KIF26B: variants seen among roughly 807,000 people sequenced by gnomAD.
KIF26B encodes the protein kinesin family member 26B.
Under a neutral mutation model 151.2 loss-of-function variants are expected in KIF26B, and 63 were observed. The observed-to-expected ratio is 0.42, with a 90% CI of 0.34 to 0.51. KIF26B has a LOEUF of 0.51. Among genes scored for constraint, KIF26B ranks in the 20% least tolerant of loss-of-function variants. The probability of loss-of-function intolerance (pLI) is 0.07; values close to 1 mark genes in which losing one functional copy is unlikely to be tolerated. For synonymous variants in KIF26B, 1,357 were observed against 1,262.1 expected, an observed-to-expected ratio of 1.08 and a Z score of -1.59; for missense variants, 2,813 against 2,913.6, an observed-to-expected ratio of 0.97 and a Z score of 0.79.
Position 245,380,809 on chromosome 1 carries a change from G to A in KIF26B, c.999+13442G>A, listed in dbSNP as rs554897440. Among the ~76,000 whole-genome samples the A allele has an allele frequency of 1.2e-3, 180 of 152,154 alleles. 1 individual carries two copies. The highest frequency in any genetic ancestry group is 4.1e-3 in the African/African-American group (172 of 41,502). ...ACGTGATTTCTTTGGGGGCAATTTG[G>A]GGTGCCTAGGATTTCCAAGCCAGGT... On this transcript the variant is annotated intron_variant, in intron 3 of 14. Transcript: ENST00000407071.
At chr1:245,530,609 T>C (rs1337524257) in intron 4 of KIF26B, among the ~76,000 whole-genome samples, 1 of 152,224 alleles carries the variant, frequency 6.6e-6, no homozygotes, top group Non-Finnish European at 1.5e-5. Context: ...CATGTTTTTA[T>C]GTGTGCTGCC....
rs139641470 is a variant in KIF26B at position 245,507,948 on chromosome 1, T to C, written c.1167-32819T>C. On this transcript the variant is annotated intron_variant, in intron 4 of 14. Transcript: ENST00000407071. ...CAAGTTTAGTGACCATTTTCATACA[T>C]TGGGGCTTAATGTGGTGCAGTGGAA... is the stretch of plus-strand genomic sequence containing the variant. Among the ~76,000 whole-genome samples, 7 of 152,272 alleles carry C rather than the reference T, an allele frequency of 4.6e-5. No individual in the cohort carries two copies. In the East Asian group the frequency reaches 1.4e-3, roughly 29 times the overall value.
At chr1:245,255,951 C>A (rs1265686965) in intron 2 of KIF26B, among the ~76,000 whole-genome samples, 1 of 152,062 alleles carries the variant, frequency 6.6e-6, no homozygotes, top group African/African-American at 2.4e-5. Flanking sequence ...GAAATACTTC[C>A]TTGAGAAGTA....
At chr1:245,255,456 T>C (rs1670515281) in intron 2 of KIF26B, among the ~76,000 whole-genome samples, 1 of 152,202 alleles carries the variant, frequency 6.6e-6, no homozygotes, top group African/African-American at 2.4e-5. Flanking sequence ...ATCAGAAACA[T>C]GGTCAGGTTG....
rs74153531 is a variant in KIF26B at position 245,328,457 on chromosome 1, G to C, written c.466-38377G>C. 8.3e-3 allele frequency among the ~76,000 whole-genome samples: 1,267 copies of C among 152,224 alleles called. 25 individuals are homozygous for C. Among genetic ancestry groups the C allele is most frequent in the African/African-American group, 0.029 (1,215 of 41,540 alleles). On this transcript the variant is annotated intron_variant, in intron 2 of 14. Transcript: ENST00000407071. Reference sequence around the variant, plus strand: ...TAGGTACCTTATATTAGTTTTACTTGTTAGTTACCCAGATATGTCAAGCAT... The same window carrying C: ...TAGGTACCTTATATTAGTTTTACTTCTTAGTTACCCAGATATGTCAAGCAT...
At chr1:245,335,674 A>G (rs756550009) in intron 2 of KIF26B, among the ~76,000 whole-genome samples, 24 of 144,380 alleles carry the variant, frequency 1.7e-4, no homozygotes, top group Non-Finnish European at 1.7e-4. Flanking sequence ...CACGCGGGGA[A>G]AGAAGGGTCC....
chr1:245,357,030 G>A (rs111778318), intron 2 of KIF26B, among the ~76,000 whole-genome samples: 5,025 of 152,296 alleles, frequency 0.033, 246 homozygotes, highest in African/African-American at 0.11. Flanking sequence ...CATTCCTGGT[G>A]TGTTCAAGGA....
At chr1:245,682,045 C>G (rs2044446101) in intron 10 of KIF26B, among the ~76,000 whole-genome samples, 1 of 152,154 alleles carries the variant, frequency 6.6e-6, no homozygotes, top group African/African-American at 2.4e-5. Context: ...GAGTTTGAGA[C>G]TAGACTGGCC....
chr1:245,170,693 AGGGTCT>A lies in KIF26B; in HGVS notation c.465+14012_465+14017del, dbSNP rs1668693875. ...AGTGGAAGGGACTGGCTAGCTCTCC[AGGGTCT>A]GTTTTGTAAGGGCAGGAATCCCAAT... On this transcript the variant is annotated intron_variant, in intron 2 of 14. Transcript: ENST00000407071. This position sits in a 1 kb window ranked among gnomAD's most constrained non-coding sequence, Gnocchi z 4.4. Among the ~76,000 whole-genome samples, 1 of 152,138 alleles carries A rather than the reference AGGGTCT, an allele frequency of 6.6e-6. No individual in the cohort carries two copies. The highest frequency in any genetic ancestry group is 6.5e-5 in the Admixed American group (1 of 15,276).
intron 2 of KIF26B, among the ~76,000 whole-genome samples, chr1:245,164,384 A>T (rs1668581688): frequency 1.3e-5 from 2 of 152,266 alleles, no homozygotes; most frequent in Admixed American, 6.5e-5. Context: ...TGATATTCAT[A>T]TGCCAATGAA....
At chr1:245,440,450 A>T (rs1204984659) in intron 4 of KIF26B, among the ~76,000 whole-genome samples, 1 of 152,186 alleles carries the variant, frequency 6.6e-6, no homozygotes, top group Non-Finnish European at 1.5e-5. Flanking sequence ...TTAGGGAACA[A>T]CAAAACAAGC....
chr1:245,609,561 G>T, intron 8 of KIF26B, 33 bp downstream of exon 8: 1 of 1,480,482 alleles, frequency 6.8e-7, no homozygotes, highest in Non-Finnish European at 9.0e-7. Context: ...TCGCCCCAAG[G>T]TGGCTCCCTC....
At chr1:245,230,238 T>C (rs115972030) in intron 2 of KIF26B, among the ~76,000 whole-genome samples, 42 of 150,532 alleles carry the variant, frequency 2.8e-4, no homozygotes, top group Non-Finnish European at 4.9e-4. Flanking sequence ...GGGAAATAAA[T>C]GTCCCGAAGC....
intron 12 of KIF26B, among the ~76,000 whole-genome samples, chr1:245,689,773 G>C (rs925379656): frequency 2.0e-5 from 3 of 152,110 alleles, no homozygotes; most frequent in African/African-American, 7.2e-5. Context: ...GACCAGGCTG[G>C]TCTCGAACTC....
intron 10 of KIF26B, among the ~76,000 whole-genome samples, chr1:245,647,067 G>A (rs1214072505): frequency 6.6e-6 from 1 of 152,182 alleles, no homozygotes; most frequent in Non-Finnish European, 1.5e-5. Flanking sequence ...TTCCTAAAAT[G>A]AGGGTTAAAG....
intron 2 of KIF26B, among the ~76,000 whole-genome samples, chr1:245,190,532 T>C (rs146303539): frequency 4.6e-5 from 7 of 152,202 alleles, no homozygotes; most frequent in African/African-American, 1.4e-4. Flanking sequence ...CGGGAGTACC[T>C]TCTGCCAACT....
intron 4 of KIF26B, among the ~76,000 whole-genome samples, chr1:245,526,307 T>C (rs953508708): frequency 6.6e-6 from 1 of 152,168 alleles, no homozygotes; most frequent in Non-Finnish European, 1.5e-5. Context: ...GGGATGTGAA[T>C]TTCTGCCTCT....
At chr1:245,233,503 C>T (rs1279179592) in intron 2 of KIF26B, among the ~76,000 whole-genome samples, 1 of 152,176 alleles carries the variant, frequency 6.6e-6, no homozygotes, top group South Asian at 2.1e-4. Flanking sequence ...CATACCAGAT[C>T]TCTTGAAACA....
In KIF26B at chr1:245,698,922, G is replaced by A; in HGVS notation, c.6063G>A (p.Leu2021=). 2 of 1,613,998 alleles carry A rather than the reference G, an allele frequency of 1.2e-6. No homozygotes were observed. The highest frequency in any genetic ancestry group is 1.1e-5 in the South Asian group (1 of 91,078). Residue 2021 remains leucine (L), a synonymous_variant, in exon 14 of 15, where the codon CTG becomes CTA. Transcript: ENST00000407071. The surrounding 1 kb of genome is among the most constrained non-coding windows in gnomAD (Gnocchi z 4.0). ...AMCFNAKLKI[L]EHRQQRIAEV... ...GCTTCAATGCAAAGCTGAAGATTCT[G>A]GAACACCGCCAGCAGAGGATCGCCG...
Sources: gnomAD v4.1 joint callset for allele counts (sites outside exome capture counted in the v4.1 genomes callset) on GRCh38, gnomAD v4.1.1 for gene constraint, Gnocchi (gnomAD v3.1) non-coding constraint, MANE v1.5 for transcripts, NCBI Gene and HGNC (gene_info 2026-07-23, HGNC 2026-07-21) for gene names.